The following METTL15 variants were observed in gnomAD, a reference collection of about 807,000 sequenced individuals.
METTL15 encodes the protein 12S rRNA N(4)-cytidine methyltransferase METTL15.
In METTL15, 34 loss-of-function variants were observed where a neutral mutation model predicts 38.3. The observed-to-expected ratio is 0.89, with a 90% confidence interval of 0.68 to 1.18. The LOEUF (loss-of-function observed/expected upper bound fraction) is 1.18, where lower values mean the gene tolerates loss of function less well. METTL15 is among the 50% of genes most tolerant of loss of function. The pLI, the probability that METTL15 is intolerant of heterozygous loss-of-function variation, is 0.00. For missense variants in METTL15, 438 were observed against 498.4 expected, an observed-to-expected ratio of 0.88 and a Z score of 1.15; for synonymous variants, 162 against 170.9, an observed-to-expected ratio of 0.95 and a Z score of 0.41.
At chr11:28,278,332 TAAG>T (rs1855920573) in intron 4 of METTL15, among the ~76,000 whole-genome samples, 3 of 152,158 alleles carry the variant, frequency 2.0e-5, no homozygotes. Context: ...AATTAAATGT[TAAG>T]AAAATCAAGG....
chr11:28,241,688 G>A (rs1256173074), intron 4 of METTL15, among the ~76,000 whole-genome samples: 1 of 152,132 alleles, frequency 6.6e-6, no homozygotes, highest in Non-Finnish European at 1.5e-5. Flanking sequence ...TACGGAGTTA[G>A]AATGGAATGA....
intron 4 of METTL15, among the ~76,000 whole-genome samples, chr11:28,224,823 T>A (rs941283908): frequency 1.3e-5 from 2 of 151,772 alleles, no homozygotes; most frequent in African/African-American, 2.4e-5. Context: ...TCCGGATACA[T>A]TGGTGTTATC....
chr11:28,490,079 T>C (rs565674668), intron 6 of METTL15, among the ~76,000 whole-genome samples: 14 of 152,064 alleles, frequency 9.2e-5, no homozygotes, highest in Non-Finnish European at 1.5e-4. Context: ...GAAGTTACAA[T>C]GGATAAGGAG....
At chr11:28,260,602 A>T (rs1265358860) in intron 4 of METTL15, among the ~76,000 whole-genome samples, 1 of 152,192 alleles carries the variant, frequency 6.6e-6, no homozygotes, top group Non-Finnish European at 1.5e-5. Context: ...CTAAAGACAG[A>T]AAAGAGCTAC....
chr11:28,228,892 T>A (rs1438346137), intron 4 of METTL15, among the ~76,000 whole-genome samples: 2 of 151,938 alleles, frequency 1.3e-5, no homozygotes, highest in Non-Finnish European at 2.9e-5. Flanking sequence ...CTCTTTGAAC[T>A]CATCTGGATC....
chr11:28,376,555 G>T (rs912492752), intron 5 of METTL15, among the ~76,000 whole-genome samples: 17 of 152,206 alleles, frequency 1.1e-4, no homozygotes, highest in Admixed American at 2.6e-4. Flanking sequence ...GAGCCTATGT[G>T]TGTCTCTGCA....
rs749081176 is a variant in METTL15, at chr11:28,372,390, G to A, written c.*358+10354G>A. ...AATTCAATTTTCTTGGTTTTGTTGAGGATTTTTGTATCGATGTTCATTAGT... is the reference window on the plus strand; with the variant it reads ...AATTCAATTTTCTTGGTTTTGTTGAAGATTTTTGTATCGATGTTCATTAGT... On this transcript the variant is annotated intron_variant and NMD_transcript_variant, in intron 5 of 7. Coordinates refer to the METTL15 transcript ENST00000532947. Among the ~76,000 whole-genome samples the A allele has an allele frequency of 4.7e-5, 7 of 150,378 alleles. No homozygotes were observed. In the South Asian group the frequency reaches 1.3e-3, roughly 27 times the overall value.
intron 3 of METTL15, among the ~76,000 whole-genome samples, chr11:28,204,603 T>C (rs2133825698): frequency 6.6e-6 from 1 of 152,030 alleles, no homozygotes; most frequent in South Asian, 2.1e-4. Context: ...GAGAGGTATG[T>C]GAAAGAACCC....
chr11:28,373,958 C>G (rs1410964922), intron 5 of METTL15, among the ~76,000 whole-genome samples: 11 of 152,174 alleles, frequency 7.2e-5, no homozygotes, highest in Non-Finnish European at 1.0e-4. Flanking sequence ...TCAGGTTTGT[C>G]AAAGATCAGA....
intron 6 of METTL15, among the ~76,000 whole-genome samples, chr11:28,459,051 T>C (rs1286964696): frequency 6.6e-6 from 1 of 152,214 alleles, no homozygotes; most frequent in Non-Finnish European, 1.5e-5. Context: ...TCTTGGTCTC[T>C]ACCTTGGCTC....
chr11:28,306,524 CA>C (rs530091689), intron 6 of METTL15, among the ~76,000 whole-genome samples: 32 of 151,928 alleles, frequency 2.1e-4, no homozygotes, highest in Non-Finnish European at 3.5e-4. Context: ...TACATGGATT[CA>C]GATCTTGTCT....
intron 3 of METTL15, among the ~76,000 whole-genome samples, chr11:28,206,417 T>C (rs1306619580): frequency 2.0e-5 from 3 of 152,160 alleles, no homozygotes; most frequent in African/African-American, 7.2e-5. Context: ...CAGATGGTTG[T>C]AGATGTATGG....
At chr11:28,498,335 T>G (rs757780378) in intron 6 of METTL15, among the ~76,000 whole-genome samples, 4 of 152,018 alleles carry the variant, frequency 2.6e-5, no homozygotes, top group Non-Finnish European at 2.9e-5. Context: ...ATTTTTTGTA[T>G]TTTTAGTAGA....
intron 5 of METTL15, among the ~76,000 whole-genome samples, chr11:28,384,963 G>A (rs547638715): frequency 6.6e-6 from 1 of 152,142 alleles, no homozygotes; most frequent in South Asian, 2.1e-4. Flanking sequence ...ATCAATTCAT[G>A]TCCTTTGTTC....
intron 4 of METTL15, among the ~76,000 whole-genome samples, chr11:28,353,354 G>C (rs558564694): frequency 6.6e-6 from 1 of 152,284 alleles, no homozygotes; most frequent in African/African-American, 2.4e-5. Context: ...AATGATAAGA[G>C]ATATCCAAGT....
At chr11:28,390,599 G>T (rs2133393351) in intron 5 of METTL15, among the ~76,000 whole-genome samples, 1 of 152,230 alleles carries the variant, frequency 6.6e-6, no homozygotes, top group Admixed American at 6.5e-5. Flanking sequence ...TCTCTGTTTT[G>T]GTACTAGTAC....
intron 4 of METTL15, among the ~76,000 whole-genome samples, chr11:28,229,546 T>A (rs948154865): frequency 6.6e-6 from 1 of 151,964 alleles, no homozygotes; most frequent in Non-Finnish European, 1.5e-5. Flanking sequence ...ATGAGTGTTC[T>A]ACCCTCACAA....
At chr11:28,507,069 T>C (rs1590398132) in intron 6 of METTL15, among the ~76,000 whole-genome samples, 1 of 152,134 alleles carries the variant, frequency 6.6e-6, no homozygotes, top group Admixed American at 6.6e-5. Context: ...ACACAGTGTT[T>C]CAGCAGCCGT....
intron 6 of METTL15, among the ~76,000 whole-genome samples, chr11:28,452,015 T>G (rs151164910): frequency 6.6e-6 from 1 of 152,356 alleles, no homozygotes; most frequent in African/African-American, 2.4e-5. Context: ...GTTGGTATAA[T>G]GAAGAGCCTG....
Sources: gnomAD v4.1 joint callset for allele counts (sites outside exome capture counted in the v4.1 genomes callset) on GRCh38, gnomAD v4.1.1 for gene constraint, MANE v1.5 for transcripts, NCBI Gene and HGNC (gene_info 2026-07-23, HGNC 2026-07-21) for gene names.